CCNY: variants seen among roughly 807,000 people sequenced by gnomAD.
The protein encoded by CCNY is cyclin-Y.
CCNY carries 19 observed loss-of-function variants against 42.8 expected under a neutral mutation model. The ratio of observed to expected loss-of-function variants is 0.44; its 90% CI spans 0.31 to 0.65. CCNY has a LOEUF of 0.65. Ranked by LOEUF, CCNY falls within the 30% of genes least tolerant of loss-of-function variation. The pLI is 0.07. For synonymous variants in CCNY, 165 were observed against 162.7 expected (o/e 1.01, Z -0.11); for missense variants, 370 against 437.3 (o/e 0.85, Z 1.37).
At position 35,287,414 on chromosome 10, in the gene CCNY, C is replaced by G. The variant is rs1835365938; in HGVS notation, c.-9+36788C>G. On this transcript the variant is annotated intron_variant, in intron 3 of 11. Transcript: ENST00000374706. ...AATAAATTTTGACAAATAAACACAT[C>G]TGCATAATAACCACCAAAATCAAGA... 2.0e-5 allele frequency among the ~76,000 whole-genome samples: 3 copies of G among 152,164 alleles called. No homozygotes were observed. The South Asian group carries it at 6.2e-4, about 32-fold the overall frequency.
At chr10:35,398,245 T>C (rs1315638347) in intron 1 of CCNY, among the ~76,000 whole-genome samples, 2 of 152,174 alleles carry the variant, frequency 1.3e-5, no homozygotes, top group Non-Finnish European at 2.9e-5. Context: ...GCAGTGAGTA[T>C]GGGGACAGAT....
At chr10:35,352,643 G>A (rs2474519) in intron 1 of CCNY, among the ~76,000 whole-genome samples, 56,882 of 152,128 alleles carry the variant, frequency 0.37, 10,845 homozygotes, top group African/African-American at 0.42. Context: ...AAAGGTCAAC[G>A]TTATTTGGAC....
intron 1 of CCNY, among the ~76,000 whole-genome samples, chr10:35,479,754 A>G (rs558942225): frequency 4.6e-5 from 7 of 151,770 alleles, no homozygotes; most frequent in Admixed American, 2.6e-4. Context: ...AACTTAAAGT[A>G]TAATAATAAT....
At chr10:35,348,620 G>A (rs1218861479) in intron 1 of CCNY, among the ~76,000 whole-genome samples, 3 of 152,248 alleles carry the variant, frequency 2.0e-5, no homozygotes, top group Non-Finnish European at 4.4e-5. Context: ...GGTGGGATGA[G>A]TCAGGGAGGA....
At chr10:35,255,470 C>A (rs2095714831) in intron 3 of CCNY, among the ~76,000 whole-genome samples, 1 of 148,462 alleles carries the variant, frequency 6.7e-6, no homozygotes, top group African/African-American at 2.5e-5. Context: ...CTAATTTCCG[C>A]ATTGTTTTAG....
chr10:35,560,683 A>G (rs931189927), intron 8 of CCNY, among the ~76,000 whole-genome samples: 2 of 152,256 alleles, frequency 1.3e-5, no homozygotes, highest in African/African-American at 4.8e-5. Flanking sequence ...TCTACATTCT[A>G]GGAGCTGCTG....
Position 35,388,888 on chromosome 10 carries a change from C to CG in CCNY, c.154+51681_154+51682insG, listed in dbSNP as rs562993448. ...CCTGCGTTCCTTGGCTCATGGCCCCCTCCTGTTTCCAAAGTCAGTGGCCTA... is the reference window on the plus strand; with the variant it reads ...CCTGCGTTCCTTGGCTCATGGCCCCCGTCCTGTTTCCAAAGTCAGTGGCCTA... On this transcript the variant is annotated intron_variant, in intron 1 of 9. Coordinates refer to ENST00000374704, the MANE Select transcript of CCNY (RefSeq NM_145012.6). 4.4e-4 allele frequency among the ~76,000 whole-genome samples: 67 copies of CG among 152,290 alleles called. 1 individual carries two copies. Among genetic ancestry groups the CG allele is most frequent in the African/African-American group, 1.5e-3 (62 of 41,562 alleles).
At chr10:35,389,439 C>CTT (rs1365155125) in intron 1 of CCNY, among the ~76,000 whole-genome samples, 1,781 of 120,520 alleles carry the variant, frequency 0.015, 62 homozygotes, top group East Asian at 0.05. Flanking sequence ...GAAAACTGTG[C>CTT]TTTTTTTTTT....
intron 1 of CCNY, among the ~76,000 whole-genome samples, chr10:35,407,451 G>T (rs976056631): frequency 1.3e-5 from 2 of 152,144 alleles, no homozygotes; most frequent in African/African-American, 4.8e-5. Flanking sequence ...CTCTCATTGG[G>T]AGCAGAGACT....
chr10:35,488,416 C>T lies in CCNY; in HGVS notation c.229+4938C>T, dbSNP rs141124789. On this transcript the variant is annotated intron_variant, in intron 2 of 9. Coordinates refer to ENST00000374704, the MANE Select transcript of CCNY (RefSeq NM_145012.6). ...CTGCCCTGTCGGGATTGCTTTCCTC[C>T]GAGCGCTGCCATGGCCTTGCTGTCC... 3.0e-3 allele frequency among the ~76,000 whole-genome samples: 458 copies of T among 152,230 alleles called. 6 individuals are homozygous for T. The highest frequency in any genetic ancestry group is 0.01 in the African/African-American group (433 of 41,538).
At chr10:35,257,319 T>C (rs1046354703) in intron 3 of CCNY, among the ~76,000 whole-genome samples, 1 of 150,894 alleles carries the variant, frequency 6.6e-6, no homozygotes, top group African/African-American at 2.4e-5. Context: ...CTTTCTGTTT[T>C]TTTTTTTGAG....
At chr10:35,292,895 T>G (rs1410856268) in intron 3 of CCNY, among the ~76,000 whole-genome samples, 1 of 148,470 alleles carries the variant, frequency 6.7e-6, no homozygotes, top group Non-Finnish European at 1.5e-5. Context: ...TTCTCCTGCC[T>G]CAGCCTCCTG....
At chr10:35,321,167 G>A (rs1373379456) in intron 3 of CCNY, among the ~76,000 whole-genome samples, 1 of 148,088 alleles carries the variant, frequency 6.8e-6, no homozygotes, top group Non-Finnish European at 1.5e-5. Context: ...ATTTACTATA[G>A]TATCAAAAAC....
chr10:35,376,581 ATT>A (rs942073952), intron 1 of CCNY, among the ~76,000 whole-genome samples: 4 of 152,188 alleles, frequency 2.6e-5, no homozygotes, highest in Non-Finnish European at 5.9e-5. Context: ...CAGATTTTGG[ATT>A]TTTGTATTAG....
intron 7 of CCNY, among the ~76,000 whole-genome samples, chr10:35,533,739 C>G (rs1168044246): frequency 6.6e-6 from 1 of 152,196 alleles, no homozygotes. Flanking sequence ...AGGTTGAAGT[C>G]ATTAATTTTA....
At chr10:35,432,569 C>T (rs768664014) in intron 1 of CCNY, among the ~76,000 whole-genome samples, 5 of 152,170 alleles carry the variant, frequency 3.3e-5, no homozygotes, top group Non-Finnish European at 7.3e-5. Context: ...TATTTAAGTA[C>T]TTCTTCCTAA....
intron 7 of CCNY, among the ~76,000 whole-genome samples, chr10:35,536,718 C>G (rs889176600): frequency 1.3e-5 from 2 of 152,100 alleles, no homozygotes; most frequent in Non-Finnish European, 2.9e-5. Flanking sequence ...GAACTTTGAA[C>G]TTGAGAGAGA....
chr10:35,305,140 A>T (rs919067738), intron 3 of CCNY, among the ~76,000 whole-genome samples: 8 of 152,246 alleles, frequency 5.3e-5, no homozygotes, highest in Non-Finnish European at 2.9e-5. Flanking sequence ...GGTTATGGCC[A>T]CGTGTCCTTT....
intron 1 of CCNY, among the ~76,000 whole-genome samples, chr10:35,403,811 A>G (rs1380253088): frequency 2.0e-5 from 3 of 152,150 alleles, no homozygotes; most frequent in Non-Finnish European, 4.4e-5. Context: ...TCAATGATAG[A>G]TGTGGGAGAT....
Sources: gnomAD v4.1 joint callset for allele counts (sites outside exome capture counted in the v4.1 genomes callset) on GRCh38, gnomAD v4.1.1 for gene constraint, MANE v1.5 for transcripts, NCBI Gene and HGNC (gene_info 2026-07-23, HGNC 2026-07-21) for gene names.